DOCK4: variants seen among roughly 807,000 people sequenced by gnomAD.
DOCK4 encodes the protein dedicator of cytokinesis 4.
Under a neutral mutation model 268.1 loss-of-function variants are expected in DOCK4, and 97 were observed. The ratio of observed to expected loss-of-function variants is 0.36; its 90% CI spans 0.31 to 0.43. The LOEUF (loss-of-function observed/expected upper bound fraction) is 0.43, where lower values mean the gene tolerates loss of function less well. Ranked by LOEUF, DOCK4 falls within the 20% of genes least tolerant of loss-of-function variation. The pLI is 1.00. For synonymous variants in DOCK4, 954 were observed against 887.2 expected (o/e 1.08, Z -1.34); for missense variants, 2,145 against 2,455.7 (o/e 0.87, Z 2.67).
chr7:111,844,014 C>T lies in DOCK4; in HGVS notation c.2736+749G>A, dbSNP rs142877360. ...TCCAGGCTAGGCATGGTGGTTCACA[C>T]CTGTAATCCCAATACTTTGGGAGGC... is the stretch of plus-strand genomic sequence containing the variant. On this transcript the variant is annotated intron_variant, in intron 25 of 52. Transcript: ENST00000428084. Among the ~76,000 whole-genome samples, 535 of 152,280 alleles carry T rather than the reference C, an allele frequency of 3.5e-3. 5 individuals are homozygous for T. The highest frequency in any genetic ancestry group is 0.021 in the East Asian group (108 of 5,176).
intron 1 of DOCK4, among the ~76,000 whole-genome samples, chr7:112,133,673 T>C (rs1814030748): frequency 6.6e-6 from 1 of 152,112 alleles, no homozygotes; most frequent in Admixed American, 6.6e-5. Flanking sequence ...TGAGCCGAGA[T>C]GGCACCACTA....
chr7:112,155,857 C>A (rs1816566016), intron 1 of DOCK4, among the ~76,000 whole-genome samples: 1 of 152,174 alleles, frequency 6.6e-6, no homozygotes, highest in South Asian at 2.1e-4. Flanking sequence ...TATGTGACAG[C>A]CACTGGCTAC....
chr7:111,812,221 T>G (rs1801189433), intron 27 of DOCK4, among the ~76,000 whole-genome samples: 1 of 152,176 alleles, frequency 6.6e-6, no homozygotes, highest in South Asian at 2.1e-4. Context: ...CTTGATGTTT[T>G]GTAATGTTTT....
Position 111,869,563 on chromosome 7 carries a change from C to A in DOCK4, c.2109+11G>T. On this transcript the variant is annotated intron_variant, in intron 21 of 52. Transcript: ENST00000428084. ...TGTTAGACTCTGCTGTTATCAACAGCATGTTATCACCTTCAGCACCTCCTG... is the reference window on the plus strand; with the variant it reads ...TGTTAGACTCTGCTGTTATCAACAGAATGTTATCACCTTCAGCACCTCCTG... 1 of 1,612,704 alleles carries A rather than the reference C, an allele frequency of 6.2e-7. No individual in the cohort carries two copies. Among genetic ancestry groups the A allele is most frequent in the African/African-American group, 1.3e-5 (1 of 75,032 alleles).
intron 1 of DOCK4, among the ~76,000 whole-genome samples, chr7:112,014,942 AAAG>A (rs1801686984): frequency 1.3e-5 from 2 of 152,132 alleles, no homozygotes; most frequent in African/African-American, 4.8e-5. Flanking sequence ...AGAAAGGAAG[AAAG>A]AAGAATTGTC....
At chr7:112,177,333 C>A (rs1818624305) in intron 1 of DOCK4, among the ~76,000 whole-genome samples, 1 of 152,166 alleles carries the variant, frequency 6.6e-6, no homozygotes, top group Non-Finnish European at 1.5e-5. Context: ...AATGATAGCA[C>A]CTATTTACCA....
At chr7:112,055,839 C>T (rs541141072) in intron 1 of DOCK4, among the ~76,000 whole-genome samples, 2 of 151,216 alleles carry the variant, frequency 1.3e-5, no homozygotes, top group African/African-American at 2.4e-5. Flanking sequence ...ACCTGGGAGG[C>T]AGAGGCTGCA....
intron 35 of DOCK4, among the ~76,000 whole-genome samples, chr7:111,782,650 G>A (rs1160250608): frequency 6.6e-6 from 1 of 152,114 alleles, no homozygotes; most frequent in Non-Finnish European, 1.5e-5. Context: ...GGGGAATGCA[G>A]GGGATGCACC....
chr7:111,992,377 T>C (rs1377151354), intron 5 of DOCK4, among the ~76,000 whole-genome samples: 1 of 152,118 alleles, frequency 6.6e-6, no homozygotes, highest in Non-Finnish European at 1.5e-5. Flanking sequence ...CACAAAACAT[T>C]TACATTAGGA....
chr7:111,797,298 T>TA (rs1799967538), intron 30 of DOCK4, among the ~76,000 whole-genome samples: 1 of 152,296 alleles, frequency 6.6e-6, no homozygotes, highest in Admixed American at 6.5e-5. Context: ...GGGAACCATC[T>TA]AAAAATCCCC....
At position 111,752,341 on chromosome 7, in the gene DOCK4, G is replaced by A. The variant is rs189589016; in HGVS notation, c.4416+3174C>T. ...GGAGACTACAGGGATAAGGGGGAAA[G>A]CAAATCTTTTAGGAGGCTACTGCAG... On this transcript the variant is annotated intron_variant, in intron 42 of 52. Transcript: ENST00000428084. 1.0e-3 allele frequency among the ~76,000 whole-genome samples: 154 copies of A among 152,168 alleles called. 1 individual carries two copies. Among genetic ancestry groups the A allele is most frequent in the Non-Finnish European group, 1.0e-4 (7 of 68,004 alleles).
chr7:111,735,848 A>T (rs1795436581), intron 50 of DOCK4, among the ~76,000 whole-genome samples: 1 of 151,918 alleles, frequency 6.6e-6, no homozygotes, highest in African/African-American at 2.4e-5. Context: ...CCAGTGACTC[A>T]CTCCCTGTAC....
At chr7:111,810,458 A>C (rs1327086433) in intron 28 of DOCK4, among the ~76,000 whole-genome samples, 2 of 133,422 alleles carry the variant, frequency 1.5e-5, no homozygotes, top group East Asian at 3.9e-4. Context: ...TCTCAAAACA[A>C]AAAAAAGAAA....
rs576674121 is a variant in DOCK4 at position 111,840,830 on chromosome 7, G to T, written c.2736+3933C>A. The T allele has an allele frequency of 3.7e-6, 5 of 1,350,686 alleles. No homozygotes were observed. In the South Asian group the frequency reaches 5.7e-5, roughly 15 times the overall value. 83.7% of individuals were successfully genotyped at this position (1,350,686 alleles called of 1,614,324 possible). ...ACAGACTGAAAAGGTGCTCAATGTA[G>T]TACTGCCATGTGAAGACTCCCTATT... On this transcript the variant is annotated intron_variant, in intron 25 of 52. Transcript: ENST00000428084.
intron 1 of DOCK4, among the ~76,000 whole-genome samples, chr7:112,085,971 G>A (rs1370566553): frequency 6.6e-6 from 1 of 152,030 alleles, no homozygotes; most frequent in African/African-American, 2.4e-5. Context: ...ATATGGGCTG[G>A]CTGTATAGGA....
chr7:112,121,754 C>T (rs999284644), intron 1 of DOCK4, among the ~76,000 whole-genome samples: 1 of 152,106 alleles, frequency 6.6e-6, no homozygotes, highest in African/African-American at 2.4e-5. Context: ...CTATGAAATC[C>T]CTTTCTGGTT....
intron 1 of DOCK4, among the ~76,000 whole-genome samples, chr7:112,059,879 C>T (rs1205850225): frequency 1.3e-5 from 2 of 152,036 alleles, no homozygotes; most frequent in East Asian, 3.9e-4. Context: ...CTCTCAAAGT[C>T]TATACAAACT....
chr7:111,980,069 CAAACTAA>C (rs1798495810), intron 7 of DOCK4, among the ~76,000 whole-genome samples: 1 of 152,180 alleles, frequency 6.6e-6, no homozygotes, highest in Non-Finnish European at 1.5e-5. Context: ...CAAATCACAG[CAAACTAA>C]ACAATGTATT....
intron 1 of DOCK4, among the ~76,000 whole-genome samples, chr7:112,017,961 T>C (rs988913231): frequency 1.2e-4 from 18 of 151,392 alleles, no homozygotes; most frequent in Admixed American, 5.9e-4. Context: ...AAGAGGCAGG[T>C]GGATCACGAG....
Sources: allele counts gnomAD v4.1 joint callset (sites outside exome capture counted in the v4.1 genomes callset), GRCh38; gene constraint gnomAD v4.1.1; transcripts MANE v1.5; gene names NCBI Gene and HGNC (gene_info 2026-07-23, HGNC 2026-07-21).